BSDC1: variants seen among roughly 807,000 people sequenced by gnomAD.
The protein encoded by BSDC1 is BSD domain-containing protein 1.
In BSDC1, 29 loss-of-function variants were observed where a neutral mutation model predicts 56.0. That is an observed-to-expected ratio of 0.52 (90% CI 0.39 to 0.71). BSDC1 has a LOEUF of 0.71. BSDC1 is among the 30% of genes least tolerant of loss of function. BSDC1 has a pLI of 0.00. For missense variants in BSDC1, 477 were observed against 548.5 expected, an observed-to-expected ratio of 0.87 and a Z score of 1.30; for synonymous variants, 210 against 215.3, an observed-to-expected ratio of 0.98 and a Z score of 0.21.
chr1:32,382,226 CAAA>C (rs577563299), intron 4 of BSDC1, among the ~76,000 whole-genome samples: 6 of 60,150 alleles, frequency 1.0e-4, no homozygotes, highest in Admixed American at 1.9e-4. Flanking sequence ...GACTCCATCT[CAAA>C]AAAAAAAAAA....
At position 32,378,022 on chromosome 1, in the gene BSDC1, C is replaced by CT. The variant is rs775383748; in HGVS notation, c.623dup (p.Gln209AlafsTer9). ...CAGAGATGCTCTGTTCCGCCCGCTG[C>CT]TTCAGGGCGTCCCTCCGGGCCTGCT... On this transcript the variant is annotated frameshift_variant, in exon 8 of 11. Coordinates refer to ENST00000455895, the MANE Select transcript of BSDC1 (RefSeq NM_018045.8). LOFTEE classifies it high-confidence loss of function. This position sits in a 1 kb window ranked among gnomAD's most constrained non-coding sequence, Gnocchi z 5.2. 1 of 1,613,318 alleles carries CT rather than the reference C, an allele frequency of 6.2e-7. No individual in the cohort carries two copies. Among genetic ancestry groups the CT allele is most frequent in the Non-Finnish European group, 8.5e-7 (1 of 1,179,592 alleles).
chr1:32,388,093 G>C (rs1298759017), intron 2 of BSDC1, among the ~76,000 whole-genome samples: 3 of 152,224 alleles, frequency 2.0e-5, no homozygotes, highest in African/African-American at 7.2e-5. Context: ...ACCAACTCTA[G>C]GATGCTTCCT....
intron 8 of BSDC1, 68 bp downstream of exon 8, chr1:32,377,902 A>G: frequency 1.4e-6 from 2 of 1,474,006 alleles, no homozygotes; most frequent in Non-Finnish European, 1.8e-6. Flanking sequence ...GGCTTCAGAG[A>G]GCATGGCCCA....
At chr1:32,388,940 CTCT>C (rs963347977) in intron 2 of BSDC1, among the ~76,000 whole-genome samples, 12 of 151,880 alleles carry the variant, frequency 7.9e-5, no homozygotes, top group African/African-American at 2.7e-4. Context: ...CCTGCTTTAT[CTCT>C]TCTTCTTTTT....
At chr1:32,387,023 A>T in intron 2 of BSDC1, 128 bp from the exon 3 acceptor site, 1 of 702,076 alleles carries the variant, frequency 1.4e-6, no homozygotes, top group Non-Finnish European at 2.5e-6. Flanking sequence ...TCGGCTCAGA[A>T]ACAATGCTCA....
At chr1:32,377,739 C>G (rs1642343342) in intron 8 of BSDC1, among the ~76,000 whole-genome samples, 1 of 152,176 alleles carries the variant, frequency 6.6e-6, no homozygotes, top group South Asian at 2.1e-4. Context: ...CATGGGCTGG[C>G]AGGGGAATCT....
At chr1:32,369,215 G>A (rs1226476522) in intron 9 of BSDC1, 1 of 1,267,124 alleles carries the variant, frequency 7.9e-7, no homozygotes, top group African/African-American at 1.5e-5. Flanking sequence ...ATGCCAAACA[G>A]CCTTAAACTA....
Position 32,365,668 on chromosome 1 carries a change from A to C in BSDC1, c.*954T>G, listed in dbSNP as rs1280328083. On this transcript the variant is annotated 3_prime_UTR_variant, in exon 11 of 11. Transcript: ENST00000455895. ...TGATGAGAGTTTCAAGTTCACCCCC[A>C]GGATAGCCCTTCCAGAAGCAGAAGG... 2.0e-5 allele frequency: 3 copies of C among 152,780 alleles called. No homozygotes were observed. Among genetic ancestry groups the C allele is most frequent in the African/African-American group, 7.2e-5 (3 of 41,560 alleles). 9.5% of individuals were successfully genotyped at this position (152,780 alleles called of 1,614,324 possible). A position where few individuals can be genotyped will look rare whatever the true frequency, so the allele number is the denominator to read the frequency against.
chr1:32,371,570 A>G (rs1399415973), intron 9 of BSDC1, among the ~76,000 whole-genome samples: 1 of 151,914 alleles, frequency 6.6e-6, no homozygotes, highest in Non-Finnish European at 1.5e-5. Flanking sequence ...TCGGCTTCCC[A>G]AAGTGCTGAG....
At position 32,364,924 on chromosome 1, in the gene BSDC1, C is replaced by T. The variant is rs1641788961; in HGVS notation, c.*1698G>A. ...CCCGACTCCTTGTCCCAGTGAGAGG[C>T]CTGTTGCGAGCCCTGACCCTTTCTC... On this transcript the variant is annotated 3_prime_UTR_variant, in exon 11 of 11. Coordinates refer to ENST00000455895, the MANE Select transcript of BSDC1 (RefSeq NM_018045.8). Among the ~76,000 whole-genome samples, 1 of 152,214 alleles carries T rather than the reference C, an allele frequency of 6.6e-6. No individual in the cohort carries two copies. Among genetic ancestry groups the T allele is most frequent in the Non-Finnish European group, 1.5e-5 (1 of 68,042 alleles).
chr1:32,394,316 C>T, intron 1 of BSDC1, 88 bp downstream of exon 1: 2 of 1,605,558 alleles, frequency 1.2e-6, no homozygotes, highest in Non-Finnish European at 1.7e-6. Flanking sequence ...CCCCGCTGAT[C>T]TCACGTTCCC....
intron 2 of BSDC1, among the ~76,000 whole-genome samples, chr1:32,390,163 G>A (rs895127652): frequency 6.6e-6 from 1 of 152,122 alleles, no homozygotes; most frequent in African/African-American, 2.4e-5. Flanking sequence ...AGCCACCAAA[G>A]GTTTGAAGTG....
At chr1:32,370,179 T>C (rs1642020656) in intron 9 of BSDC1, among the ~76,000 whole-genome samples, 1 of 152,174 alleles carries the variant, frequency 6.6e-6, no homozygotes, top group Non-Finnish European at 1.5e-5. Flanking sequence ...GGTTTCACTA[T>C]GTTGGCCAGG....
At chr1:32,368,292 T>C (rs1641925173) in intron 10 of BSDC1, 155 bp downstream of exon 10, 2 of 1,578,258 alleles carry the variant, frequency 1.3e-6, no homozygotes, top group Non-Finnish European at 1.7e-6. Flanking sequence ...ACCAATGTTG[T>C]GGGTCTGAGC....
intron 3 of BSDC1, chr1:32,386,435 G>C (rs1048622097): frequency 1.0e-5 from 2 of 192,402 alleles, no homozygotes; most frequent in Non-Finnish European, 2.1e-5. Flanking sequence ...AGCTATCTTT[G>C]GAAGATGGAA....
intron 1 of BSDC1, 72 bp from the exon 2 acceptor site, chr1:32,394,212 C>T (rs999139039): frequency 3.8e-6 from 6 of 1,575,524 alleles, no homozygotes; most frequent in African/African-American, 2.7e-5. Context: ...GTTTGTTCCC[C>T]GCTCAGATGT....
At chr1:32,367,559 C>G (rs2148105325) in intron 10 of BSDC1, 2 of 985,420 alleles carry the variant, frequency 2.0e-6, no homozygotes, top group Non-Finnish European at 2.4e-6. Context: ...TCATGTGGTT[C>G]TTATGTGACA....
intron 2 of BSDC1, among the ~76,000 whole-genome samples, chr1:32,390,072 A>C (rs1371227233): frequency 6.6e-6 from 1 of 152,214 alleles, no homozygotes; most frequent in African/African-American, 2.4e-5. Context: ...TAAAATGTGA[A>C]GCAAGAGTGG....
In BSDC1 at chr1:32,378,832, C is replaced by T. The variant is rs762060272; in HGVS notation, c.420G>A (p.Pro140=). The change falls in exon 6 of 11, where the codon CCG becomes CCA. Residue 140 remains proline, a synonymous_variant. Transcript: ENST00000455895. The surrounding 1 kb of genome is among the most constrained non-coding windows in gnomAD (Gnocchi z 5.2). Reference sequence around the variant, plus strand: ...GGGAAAGCCAGGCGTCAAACAATTCCGGGGGCCCTGCAGAGGGACAGATGC... The same window carrying T: ...GGGAAAGCCAGGCGTCAAACAATTCTGGGGGCCCTGCAGAGGGACAGATGC... The part of the protein sequence containing the change: ...ATYCNEPDGP[P]ELFDAWLSQF... 1.4e-5 allele frequency: 21 copies of T among 1,517,230 alleles called. No individual in the cohort carries two copies. The African/African-American group carries it at 2.0e-4, about 14-fold the overall frequency. The allele number at this position is 1,517,230 out of a possible 1,614,324, so 94.0% of individuals were successfully genotyped here.
Sources: allele counts gnomAD v4.1 joint callset (sites outside exome capture counted in the v4.1 genomes callset), GRCh38; gene constraint gnomAD v4.1.1; non-coding constraint Gnocchi (gnomAD v3.1); transcripts MANE v1.5; gene names NCBI Gene and HGNC (gene_info 2026-07-23, HGNC 2026-07-21).